TP53BP1: variants seen among roughly 807,000 people sequenced by gnomAD.
TP53BP1 encodes TP53-binding protein 1.
A neutral mutation model predicts 200.8 loss-of-function variants in TP53BP1; 61 were observed. The observed-to-expected ratio is 0.30, with a 90% CI of 0.25 to 0.38. The LOEUF is 0.38. Among genes scored for constraint, TP53BP1 ranks in the 10% least tolerant of loss-of-function variants. The probability of loss-of-function intolerance (pLI) is 1.00; values close to 1 mark genes in which losing one functional copy is unlikely to be tolerated. For missense variants in TP53BP1, 2,144 were observed against 2,371.9 expected (o/e 0.90, Z 2.00); for synonymous variants, 822 against 844.3 (o/e 0.97, Z 0.46).
intron 11 of TP53BP1, among the ~76,000 whole-genome samples, chr15:43,458,605 C>T (rs1017002986): frequency 1.3e-5 from 2 of 151,890 alleles, no homozygotes; most frequent in Non-Finnish European, 2.9e-5. Flanking sequence ...CATGGCTACA[C>T]CCCATGTCTA....
chr15:43,449,322 C>T (rs1432804979), intron 12 of TP53BP1, among the ~76,000 whole-genome samples: 3 of 152,136 alleles, frequency 2.0e-5, no homozygotes, highest in African/African-American at 4.8e-5. Context: ...GATACAGAAA[C>T]TTAAAAAACA....
In TP53BP1 at chr15:43,446,344, TA is replaced by T. The variant is rs774768836; in HGVS notation, c.3040+42del. The T allele has an allele frequency of 3.0e-5, 44 of 1,449,902 alleles. 1 individual carries two copies. In the South Asian group the frequency reaches 5.0e-4, roughly 17 times the overall value. 89.8% of individuals were successfully genotyped at this position (1,449,902 alleles called of 1,614,324 possible). On this transcript the variant is annotated intron_variant, in intron 14 of 27. Coordinates refer to ENST00000382044, the MANE Select transcript of TP53BP1 (RefSeq NM_001141980.3). ...TAGATTATAATCAATACTCCCCAGA[TA>T]ATCTGCAGCTACTAATTACCCAAGA...
intron 8 of TP53BP1, 78 bp from the exon 9 acceptor site, chr15:43,475,772 G>A (rs2078872161): frequency 6.7e-7 from 1 of 1,492,076 alleles, no homozygotes; most frequent in African/African-American, 1.4e-5. Flanking sequence ...ACTGCAAAGA[G>A]TAATATCCAT....
intron 11 of TP53BP1, among the ~76,000 whole-genome samples, chr15:43,461,455 C>A (rs1430620714): frequency 6.6e-6 from 1 of 152,040 alleles, no homozygotes; most frequent in Admixed American, 6.6e-5. Flanking sequence ...TAGGTTCAAG[C>A]AATCTGCCCA....
chr15:43,491,170 TCC>T (rs2079116829), intron 4 of TP53BP1, among the ~76,000 whole-genome samples: 1 of 151,608 alleles, frequency 6.6e-6, no homozygotes, highest in Non-Finnish European at 1.5e-5. Flanking sequence ...AACCTCCGCC[TCC>T]CAGGTTCAAG....
rs1595566146 is a variant in TP53BP1, at chr15:43,447,193, C to G, written c.2836+173G>C. The G allele has an allele frequency of 2.0e-5, 12 of 606,758 alleles. No individual in the cohort carries two copies. In the South Asian group the frequency reaches 2.5e-4, roughly 13 times the overall value. 37.6% of individuals were successfully genotyped at this position (606,758 alleles called of 1,614,324 possible). On this transcript the variant is annotated intron_variant, in intron 13 of 27. Coordinates refer to ENST00000382044, the MANE Select transcript of TP53BP1 (RefSeq NM_001141980.3). ...CCCTTTCTTTCCTTCCTCTCTTTACCCCTCATCTCCTAGTAGTAAAATCAC... is the reference window on the plus strand; with the variant it reads ...CCCTTTCTTTCCTTCCTCTCTTTACGCCTCATCTCCTAGTAGTAAAATCAC...
At chr15:43,407,642 A>T in intron 27 of TP53BP1, 72 bp from the exon 28 acceptor site, 2 of 1,406,360 alleles carry the variant, frequency 1.4e-6, no homozygotes, top group Non-Finnish European at 1.9e-6. Context: ...GAGAGATTTG[A>T]TTCTAACCAA....
At chr15:43,416,658 A>C (rs1407931524) in intron 21 of TP53BP1, 3 of 348,048 alleles carry the variant, frequency 8.6e-6, no homozygotes, top group Non-Finnish European at 1.5e-5. Context: ...TTAGTTATAA[A>C]ATAAAGCTTC....
chr15:43,452,542 GAC>G (rs1228731846), intron 12 of TP53BP1, among the ~76,000 whole-genome samples: 1 of 152,000 alleles, frequency 6.6e-6, no homozygotes, highest in Non-Finnish European at 1.5e-5. Context: ...CAGCCTGGGC[GAC>G]AGAGTGAGAC....
intron 21 of TP53BP1, chr15:43,417,353 C>G (rs1384111278): frequency 6.6e-6 from 1 of 152,234 alleles, no homozygotes; most frequent in Non-Finnish European, 1.5e-5. Context: ...GAAAATAACA[C>G]AGAGAAAGCA....
At chr15:43,464,773 T>C (rs1595590102) in intron 11 of TP53BP1, among the ~76,000 whole-genome samples, 1 of 151,412 alleles carries the variant, frequency 6.6e-6, no homozygotes, top group Non-Finnish European at 1.5e-5. Context: ...CCAGGCATGG[T>C]GGTGCATGCC....
At chr15:43,460,474 G>A (rs2046403915) in intron 11 of TP53BP1, among the ~76,000 whole-genome samples, 1 of 152,052 alleles carries the variant, frequency 6.6e-6, no homozygotes, top group African/African-American at 2.4e-5. Context: ...GCCCAGGCTT[G>A]TTTCAAAATC....
chr15:43,481,813 C>CA (rs34854110), intron 4 of TP53BP1, among the ~76,000 whole-genome samples: 82 of 111,650 alleles, frequency 7.3e-4, no homozygotes, highest in Admixed American at 1.4e-3. Flanking sequence ...GACTCTGTCT[C>CA]AAAAAAAAAA....
chr15:43,424,210 G>A (rs2045473817), intron 18 of TP53BP1, among the ~76,000 whole-genome samples: 1 of 152,138 alleles, frequency 6.6e-6, no homozygotes, highest in Admixed American at 6.6e-5. Flanking sequence ...ATTTTGAGAT[G>A]AGATACCTCC....
chr15:43,480,995 A>G lies in TP53BP1; in HGVS notation c.399T>C (p.Ala133=), dbSNP rs1315096779. 5.6e-6 allele frequency: 9 copies of G among 1,613,970 alleles called. No homozygotes were observed. Among genetic ancestry groups the G allele is most frequent in the South Asian group, 1.1e-5 (1 of 91,080 alleles). Residue 133 remains alanine, a synonymous_variant, in exon 5 of 28, where the codon GCT becomes GCC. Transcript: ENST00000382044. ...SSVLGMSVES[A]PAVEEEKGEE... ...CTCCCTTCTCTTCCTCCACAGCAGGAGCAGATTCCACTGACATTCCCAGAA... is the reference window on the plus strand; with the variant it reads ...CTCCCTTCTCTTCCTCCACAGCAGGGGCAGATTCCACTGACATTCCCAGAA...
Position 43,407,262 on chromosome 15 carries a change from C to CAAAT in TP53BP1, c.*117_*120dup. ...CATTTATTTTATCATAAAAGTTCAG[C>CAAAT]AAATAAAACTATATACAAGATCCAT... On this transcript the variant is annotated 3_prime_UTR_variant, in exon 28 of 28. Coordinates refer to ENST00000382044, the MANE Select transcript of TP53BP1 (RefSeq NM_001141980.3). The CAAAT allele has an allele frequency of 5.0e-6, 4 of 798,832 alleles. No homozygotes were observed. Among genetic ancestry groups the CAAAT allele is most frequent in the Non-Finnish European group, 7.9e-6 (4 of 503,928 alleles). 49.5% of individuals were successfully genotyped at this position (798,832 alleles called of 1,614,324 possible). A position where few individuals can be genotyped will look rare whatever the true frequency, so the allele number is the denominator to read the frequency against.
rs554639763 is a variant in TP53BP1, at chr15:43,445,083, C to T, written c.3040+1304G>A. Among the ~76,000 whole-genome samples, 60 of 152,208 alleles carry T rather than the reference C, an allele frequency of 3.9e-4. 1 individual carries two copies. The South Asian group carries it at 5.8e-3, about 15-fold the overall frequency. ...CTCTCCCAGCCTAAAATAACAAATC[C>T]TCTCTCAACCCTGCATTTCCCTCTA... On this transcript the variant is annotated intron_variant, in intron 14 of 27. Coordinates refer to ENST00000382044, the MANE Select transcript of TP53BP1 (RefSeq NM_001141980.3).
chr15:43,414,018 C>T, intron 23 of TP53BP1: 2 of 427,198 alleles, frequency 4.7e-6, no homozygotes, highest in South Asian at 3.5e-5. Flanking sequence ...AGAGTGCCCC[C>T]AATAAGTCCT....
chr15:43,448,837 T>C (rs907265981), intron 12 of TP53BP1, among the ~76,000 whole-genome samples: 3 of 152,120 alleles, frequency 2.0e-5, no homozygotes, highest in Admixed American at 1.3e-4. Context: ...AAAGAAACTG[T>C]AAAGAGGGGC....
Sources: gnomAD v4.1 joint callset for allele counts (sites outside exome capture counted in the v4.1 genomes callset) on GRCh38, gnomAD v4.1.1 for gene constraint, MANE v1.5 for transcripts, NCBI Gene and HGNC (gene_info 2026-07-23, HGNC 2026-07-21) for gene names.